Variants in PCDHGB5 observed in about 807,000 individuals in gnomAD.
The protein encoded by PCDHGB5 is protocadherin gamma subfamily B, 5.
Under a neutral mutation model 62.9 loss-of-function variants are expected in PCDHGB5, and 48 were observed. That is an observed-to-expected ratio of 0.76 (90% CI 0.61 to 0.97). The LOEUF (loss-of-function observed/expected upper bound fraction) is 0.97, where lower values mean the gene tolerates loss of function less well. Ranked by LOEUF, PCDHGB5 falls within the 50% of genes least tolerant of loss-of-function variation. The pLI, the probability that PCDHGB5 is intolerant of heterozygous loss-of-function variation, is 0.00. For missense variants in PCDHGB5, 1,118 were observed against 1,198.6 expected (o/e 0.93, Z 0.99); for synonymous variants, 474 against 511.2 (o/e 0.93, Z 0.98).
Position 141,399,473 on chromosome 5 carries a change from A to G in PCDHGB5, c.1346A>G (p.His449Arg), listed in dbSNP as rs2093815825. The change falls in exon 1 of 4, where the codon CAC (histidine) becomes CGC (arginine). Residue 449 changes from histidine to arginine, a missense_variant. By Grantham distance (29) the His-to-Arg change is conservative. This residue lies in a region of PCDHGB5 where 1,034 missense variants were observed against 1,029.1 expected (regional missense o/e 1.00). Coordinates refer to ENST00000617380, the MANE Select transcript of PCDHGB5 (RefSeq NM_018925.3). ...RDVNDNAPVF[H>R]QASYLVSVPE... ...GTCAACGATAACGCTCCGGTTTTCC[A>G]CCAGGCGTCCTACTTAGTCAGTGTA... The G allele has an allele frequency of 1.2e-6, 2 of 1,613,996 alleles. No homozygotes were observed. The highest frequency in any genetic ancestry group is 1.7e-6 in the Non-Finnish European group (2 of 1,179,888).
At chr5:141,426,919 C>T (rs1220443930) in intron 1 of PCDHGB5, 1 of 456,620 alleles carries the variant, frequency 2.2e-6, no homozygotes, top group African/African-American at 2.0e-5. Flanking sequence ...GTCCTGGAAG[C>T]AATGGACATG....
chr5:141,466,121 C>CA (rs908379481), intron 1 of PCDHGB5, among the ~76,000 whole-genome samples: 24 of 146,876 alleles, frequency 1.6e-4, no homozygotes, highest in East Asian at 8.0e-4. Context: ...GACTCCAGCT[C>CA]AAAAAAAAAA....
chr5:141,441,835 G>A (rs1423189098), intron 1 of PCDHGB5: 9 of 353,636 alleles, frequency 2.5e-5, no homozygotes, highest in Admixed American at 2.1e-4. Flanking sequence ...CAATGGCTTC[G>A]CGCTCTTGGA....
At chr5:141,420,052 C>T (rs535784301) in intron 1 of PCDHGB5, 1 of 1,614,070 alleles carries the variant, frequency 6.2e-7, no homozygotes, top group South Asian at 1.1e-5. Flanking sequence ...AGTCAGTTCT[C>T]TGCTCCAAGT....
Position 141,477,209 on chromosome 5 carries a change from GC to G in PCDHGB5, c.2398-17594del. On this transcript the variant is annotated intron_variant, in intron 1 of 3. Transcript: ENST00000617380. The surrounding 1 kb of genome is among the most constrained non-coding windows in gnomAD (Gnocchi z 4.9). Reference sequence around the variant, plus strand: ...CGTGTACAGCCCAGTACCCGAGGATGCCCCTCTGGGGACTGTCATCGCTTTG... The same window carrying G: ...CGTGTACAGCCCAGTACCCGAGGATGCCCTCTGGGGACTGTCATCGCTTTG... The G allele has an allele frequency of 6.2e-7, 1 of 1,614,194 alleles. No homozygotes were observed. Among genetic ancestry groups the G allele is most frequent in the Non-Finnish European group, 8.5e-7 (1 of 1,180,038 alleles).
At chr5:141,480,873 C>T (rs1026513782) in intron 1 of PCDHGB5, among the ~76,000 whole-genome samples, 5 of 152,050 alleles carry the variant, frequency 3.3e-5, no homozygotes, top group Non-Finnish European at 7.4e-5. Context: ...GGTGAAACCC[C>T]GTCTCTACTA....
Position 141,448,073 on chromosome 5 carries a change from C to T in PCDHGB5, c.2398-46734C>T, listed in dbSNP as rs1025112556. ...TGCTCTCCAGCCTGGGCAACATGAA[C>T]GAAATGCCATCTTAAAAAAAAAAAA... On this transcript the variant is annotated intron_variant, in intron 1 of 3. Coordinates refer to ENST00000617380, the MANE Select transcript of PCDHGB5 (RefSeq NM_018925.3). 3.3e-5 allele frequency among the ~76,000 whole-genome samples: 5 copies of T among 151,432 alleles called. No individual in the cohort carries two copies. In the East Asian group the frequency reaches 5.8e-4, roughly 18 times the overall value.
intron 1 of PCDHGB5, among the ~76,000 whole-genome samples, chr5:141,449,345 T>C (rs2154562594): frequency 1.3e-5 from 2 of 151,644 alleles, no homozygotes; most frequent in South Asian, 4.2e-4. Context: ...AGTGGCTCAC[T>C]CCTGTAATCC....
At chr5:141,494,902 C>A (rs2099757367) in intron 2 of PCDHGB5, 37 bp downstream of exon 2, 1 of 1,614,024 alleles carries the variant, frequency 6.2e-7, no homozygotes, top group East Asian at 2.2e-5. Context: ...CTCTTCTCTG[C>A]GGCATTTTCT....
At chr5:141,423,140 C>T (rs760216287) in intron 1 of PCDHGB5, 7 of 1,613,498 alleles carry the variant, frequency 4.3e-6, no homozygotes, top group Non-Finnish European at 2.5e-6. Flanking sequence ...GACAGAGACG[C>T]GCTCAAGCAG....
At chr5:141,409,952 C>T (rs892751686) in intron 1 of PCDHGB5, 2 of 1,613,232 alleles carry the variant, frequency 1.2e-6, no homozygotes, top group Non-Finnish European at 1.7e-6. Context: ...CTCTGCAGAG[C>T]CCGGCTACCT....
At chr5:141,417,532 T>C (rs2096129143) in intron 1 of PCDHGB5, 1 of 284,726 alleles carries the variant, frequency 3.5e-6, no homozygotes, top group African/African-American at 2.2e-5. Flanking sequence ...ACTCGTAGTT[T>C]AAAAAAAATT....
intron 1 of PCDHGB5, 127 bp downstream of exon 1, chr5:141,400,651 C>G (rs2094056317): frequency 8.6e-7 from 1 of 1,166,874 alleles, no homozygotes; most frequent in African/African-American, 1.5e-5. Flanking sequence ...GAAAGCTGTC[C>G]TACCATTCTT....
intron 1 of PCDHGB5, among the ~76,000 whole-genome samples, chr5:141,463,393 C>CA (rs955461719): frequency 5.7e-5 from 8 of 140,804 alleles, no homozygotes; most frequent in Non-Finnish European, 7.6e-5. Flanking sequence ...TGTCTCCAGG[C>CA]AAAAAAAATG....
intron 1 of PCDHGB5, among the ~76,000 whole-genome samples, chr5:141,465,347 G>A (rs2099101721): frequency 6.6e-6 from 1 of 151,938 alleles, no homozygotes; most frequent in South Asian, 2.1e-4. Context: ...GGTTACTGAA[G>A]AAAAAATGGG....
intron 1 of PCDHGB5, among the ~76,000 whole-genome samples, chr5:141,424,884 T>C (rs953145254): frequency 2.0e-5 from 3 of 152,186 alleles, no homozygotes; most frequent in Non-Finnish European, 4.4e-5. Flanking sequence ...AGGAGACTTA[T>C]CTAGGGTTTT....
At chr5:141,424,841 C>A (rs1303241053) in intron 1 of PCDHGB5, among the ~76,000 whole-genome samples, 1 of 152,126 alleles carries the variant, frequency 6.6e-6, no homozygotes. Context: ...TACATGTTAT[C>A]TGAAGCAATG....
rs564197257 is a variant in PCDHGB5, at chr5:141,458,715, A to G, written c.2398-36092A>G. On this transcript the variant is annotated intron_variant, in intron 1 of 3. Coordinates refer to ENST00000617380, the MANE Select transcript of PCDHGB5 (RefSeq NM_018925.3). ...CTCCCGAGTAGCTGGGATTACAGGT[A>G]TTCGCCACCACATCCAGCTATTGGT... Among the ~76,000 whole-genome samples the G allele has an allele frequency of 3.9e-5, 6 of 152,082 alleles. No homozygotes were observed. The East Asian group carries it at 9.7e-4, about 25-fold the overall frequency.
rs766277028 is a variant in PCDHGB5 at position 141,398,989 on chromosome 5, T to G, written c.862T>G (p.Phe288Val). The change falls in exon 1 of 4, where the codon TTT (phenylalanine) becomes GTT (valine). Residue 288 changes from phenylalanine (F) to valine (V), a missense_variant. Physicochemically the swap from Phe to Val is conservative, Grantham distance 50 (BLOSUM62 -1). Around this residue, in one of 2 missense-constraint regions of PCDHGB5, gnomAD observed 1,034 missense variants for 1,029.1 expected, o/e 1.00. Coordinates refer to ENST00000617380, the MANE Select transcript of PCDHGB5 (RefSeq NM_018925.3). ...TTCCTTCTACAGAACCGGGCAAATC[T>G]TTAGTCTGAATTCAAAGAGCGGAGA... ...TYSFYRTGQI[F>V]SLNSKSGEIT... 2 of 1,613,796 alleles carry G rather than the reference T, an allele frequency of 1.2e-6. No individual in the cohort carries two copies. Among genetic ancestry groups the G allele is most frequent in the Non-Finnish European group, 1.7e-6 (2 of 1,179,906 alleles).
Sources: gnomAD v4.1 joint callset for allele counts (sites outside exome capture counted in the v4.1 genomes callset) on GRCh38, gnomAD v4.1.1 for gene constraint, gnomAD v4.1.1 regional missense constraint, Gnocchi (gnomAD v3.1) non-coding constraint, MANE v1.5 for transcripts, NCBI Gene and HGNC (gene_info 2026-07-23, HGNC 2026-07-21) for gene names.